SLC25A21: variants seen among roughly 807,000 people sequenced by gnomAD.
The protein encoded by SLC25A21 is mitochondrial 2-oxodicarboxylate carrier.
A neutral mutation model predicts 43.8 loss-of-function variants in SLC25A21; 47 were observed. The observed-to-expected ratio is 1.07, with a 90% CI of 0.85 to 1.37. The LOEUF is 1.37. Among genes scored for constraint, SLC25A21 ranks in the 40% most tolerant of loss-of-function variants. SLC25A21 has a pLI of 0.00. For missense variants in SLC25A21, 352 were observed against 350.2 expected (o/e 1.00, Z -0.04); for synonymous variants, 131 against 121.3 (o/e 1.08, Z -0.52).
intron 1 of SLC25A21, among the ~76,000 whole-genome samples, chr14:37,141,588 T>C (rs1187625219): frequency 2.6e-5 from 4 of 152,218 alleles, no homozygotes; most frequent in Non-Finnish European, 4.4e-5. Context: ...ACATTCAAAT[T>C]TGAGTTACCG....
At chr14:36,920,534 T>C (rs78642502) in intron 1 of SLC25A21, among the ~76,000 whole-genome samples, 3,453 of 152,078 alleles carry the variant, frequency 0.023, 56 homozygotes, top group Non-Finnish European at 0.035. Context: ...TATTGGGCCA[T>C]TGCTAAGCAG....
At chr14:37,059,833 T>G (rs1961906740) in intron 1 of SLC25A21, among the ~76,000 whole-genome samples, 1 of 151,942 alleles carries the variant, frequency 6.6e-6, no homozygotes. Flanking sequence ...ACTAGAGGGG[T>G]ATCAACCAAC....
intron 4 of SLC25A21, among the ~76,000 whole-genome samples, chr14:36,733,136 G>A (rs1331648116): frequency 6.6e-6 from 1 of 152,112 alleles, no homozygotes; most frequent in East Asian, 1.9e-4. Context: ...AAATATTCCA[G>A]GAAAAACTCT....
At chr14:37,125,567 T>C (rs1963282986) in intron 1 of SLC25A21, among the ~76,000 whole-genome samples, 2 of 152,238 alleles carry the variant, frequency 1.3e-5, no homozygotes, top group Admixed American at 1.3e-4. Context: ...AAACATTAAA[T>C]TCTCTGACTT....
At chr14:36,901,803 T>C (rs933473317) in intron 1 of SLC25A21, among the ~76,000 whole-genome samples, 4 of 152,194 alleles carry the variant, frequency 2.6e-5, no homozygotes, top group African/African-American at 9.6e-5. Flanking sequence ...AGATTTTCTA[T>C]AATTTAAATA....
intron 1 of SLC25A21, among the ~76,000 whole-genome samples, chr14:37,023,331 C>G (rs1263109839): frequency 2.0e-5 from 3 of 151,854 alleles, no homozygotes; most frequent in Non-Finnish European, 2.9e-5. Flanking sequence ...CAAGAAAAAG[C>G]CTTAGGGCAC....
chr14:36,988,952 C>G (rs2138709838), intron 1 of SLC25A21, among the ~76,000 whole-genome samples: 1 of 152,350 alleles, frequency 6.6e-6, no homozygotes, highest in East Asian at 1.9e-4. Context: ...GATAGAATAT[C>G]TTTAAGAGGT....
At chr14:36,867,137 G>A (rs1203683002) in intron 2 of SLC25A21, among the ~76,000 whole-genome samples, 6 of 152,002 alleles carry the variant, frequency 3.9e-5, no homozygotes, top group Non-Finnish European at 5.9e-5. Flanking sequence ...ACCTCTGCTC[G>A]AGGTACAGCT....
chr14:36,765,323 T>C (rs1462562670), intron 3 of SLC25A21, among the ~76,000 whole-genome samples: 1 of 152,240 alleles, frequency 6.6e-6, no homozygotes, highest in African/African-American at 2.4e-5. Flanking sequence ...AGTGATCATC[T>C]AGCTCCAGCT....
intron 7 of SLC25A21, among the ~76,000 whole-genome samples, chr14:36,704,422 G>A (rs745376478): frequency 2.6e-5 from 4 of 152,160 alleles, no homozygotes; most frequent in Non-Finnish European, 5.9e-5. Context: ...ATTCTGGGAC[G>A]GTGAGGTGGG....
At chr14:36,961,895 G>C (rs534961990) in intron 1 of SLC25A21, among the ~76,000 whole-genome samples, 1 of 152,198 alleles carries the variant, frequency 6.6e-6, no homozygotes, top group African/African-American at 2.4e-5. Flanking sequence ...AGTCCCTCCT[G>C]TCTGTATGTC....
intron 3 of SLC25A21, among the ~76,000 whole-genome samples, chr14:36,762,714 T>C (rs1240191678): frequency 6.6e-6 from 1 of 152,228 alleles, no homozygotes; most frequent in African/African-American, 2.4e-5. Context: ...CTAAGTTTAG[T>C]GCCTTCATCT....
chr14:37,120,243 T>C (rs1218176405), intron 1 of SLC25A21, among the ~76,000 whole-genome samples: 1 of 152,162 alleles, frequency 6.6e-6, no homozygotes, highest in Non-Finnish European at 1.5e-5. Flanking sequence ...GCAAATTATC[T>C]CCTCACCCAC....
At chr14:36,852,520 AC>A (rs1889772460) in intron 2 of SLC25A21, among the ~76,000 whole-genome samples, 1 of 152,218 alleles carries the variant, frequency 6.6e-6, no homozygotes, top group African/African-American at 2.4e-5. Flanking sequence ...TTCTTAGCCT[AC>A]GGAACTAGAT....
chr14:36,691,789 G>T (rs1882805223), intron 7 of SLC25A21, among the ~76,000 whole-genome samples: 1 of 152,092 alleles, frequency 6.6e-6, no homozygotes, highest in Admixed American at 6.5e-5. Context: ...ATTTATAAGT[G>T]GTATGTATTA....
intron 1 of SLC25A21, among the ~76,000 whole-genome samples, chr14:37,059,813 T>A (rs1961906042): frequency 6.6e-6 from 1 of 152,110 alleles, no homozygotes; most frequent in African/African-American, 2.4e-5. Context: ...GTGGAGTCAG[T>A]ACAGTCCGCA....
rs139807174 is a variant in SLC25A21 at position 37,021,739 on chromosome 14, G to T, written c.71-146735C>A. 3.9e-5 allele frequency among the ~76,000 whole-genome samples: 6 copies of T among 152,034 alleles called. No individual in the cohort carries two copies. The East Asian group carries it at 1.2e-3, about 29-fold the overall frequency. ...GGTATCAGAATAAGTTTCAGGAAAA[G>T]AGCTTATAACACAATTTTTGTTTTT... On this transcript the variant is annotated intron_variant, in intron 1 of 9. Transcript: ENST00000331299.
chr14:36,984,834 C>T (rs1474380237), intron 1 of SLC25A21, among the ~76,000 whole-genome samples: 2 of 151,944 alleles, frequency 1.3e-5, no homozygotes, highest in Non-Finnish European at 2.9e-5. Context: ...GGGTATATGC[C>T]CAAAGGACTA....
intron 3 of SLC25A21, among the ~76,000 whole-genome samples, chr14:36,805,781 A>C (rs1368109219): frequency 2.6e-5 from 4 of 152,210 alleles, no homozygotes; most frequent in Admixed American, 2.6e-4. Context: ...TTCTGTAAAA[A>C]GAGATTACAT....
Sources: gnomAD v4.1 joint callset for allele counts (sites outside exome capture counted in the v4.1 genomes callset) on GRCh38, gnomAD v4.1.1 for gene constraint, MANE v1.5 for transcripts, NCBI Gene and HGNC (gene_info 2026-07-23, HGNC 2026-07-21) for gene names.